KIF24: variants seen among roughly 807,000 people sequenced by gnomAD.
KIF24 encodes the protein kinesin-like protein KIF24.
KIF24 carries 81 observed loss-of-function variants against 118.9 expected under a neutral mutation model. The ratio of observed to expected loss-of-function variants is 0.68; its 90% CI spans 0.57 to 0.82. The LOEUF is 0.82. Among genes scored for constraint, KIF24 ranks in the 40% least tolerant of loss-of-function variants. The pLI is 0.00. For missense variants in KIF24, 1,560 were observed against 1,661.6 expected, an observed-to-expected ratio of 0.94 and a Z score of 1.06; for synonymous variants, 599 against 610.0, an observed-to-expected ratio of 0.98 and a Z score of 0.27.
At chr9:34,319,575 T>C (rs1335453447) in intron 1 of KIF24, 3 of 1,058,016 alleles carry the variant, frequency 2.8e-6, no homozygotes, top group Non-Finnish European at 4.4e-6. Context: ...CTTCCTGGTG[T>C]GGGACACCCA....
upstream of KIF24, among the ~76,000 whole-genome samples, chr9:34,333,001 C>A (rs1652807185): frequency 6.6e-6 from 1 of 152,064 alleles, no homozygotes; most frequent in Admixed American, 6.5e-5. Flanking sequence ...CATAGAATTG[C>A]AGTCACATAG....
chr9:34,266,945 A>C (rs564398897), intron 8 of KIF24, among the ~76,000 whole-genome samples: 2 of 152,166 alleles, frequency 1.3e-5, no homozygotes, highest in African/African-American at 4.8e-5. Flanking sequence ...ATAATAATAG[A>C]AAAAAAGGTA....
At chr9:34,283,130 G>T (rs1479804041) in intron 6 of KIF24, among the ~76,000 whole-genome samples, 1 of 151,072 alleles carries the variant, frequency 6.6e-6, no homozygotes, top group Non-Finnish European at 1.5e-5. Context: ...ACTTCGGGAG[G>T]TCAAGGTGAG....
intron 6 of KIF24, among the ~76,000 whole-genome samples, chr9:34,272,905 T>G (rs1164627470): frequency 1.3e-5 from 2 of 152,080 alleles, no homozygotes; most frequent in African/African-American, 4.8e-5. Flanking sequence ...ATTATGGGCA[T>G]GAGCCACCTC....
rs1186108918 is a variant in KIF24, at chr9:34,329,207, G to A, written c.-127C>T. Among the ~76,000 whole-genome samples the A allele has an allele frequency of 3.3e-5, 5 of 152,226 alleles. No individual in the cohort carries two copies. The highest frequency in any genetic ancestry group is 6.5e-5 in the Admixed American group (1 of 15,290). ...GCAACCTAACAGTCCCGTCAACCCGGGAGCCACCGGCGGCGGCCAGGCCGC... is the reference window on the plus strand; with the variant it reads ...GCAACCTAACAGTCCCGTCAACCCGAGAGCCACCGGCGGCGGCCAGGCCGC... On this transcript the variant is annotated 5_prime_UTR_variant, in exon 1 of 13. Coordinates refer to ENST00000402558, the MANE Select transcript of KIF24 (RefSeq NM_194313.4).
chr9:34,269,841 G>C (rs577471844), intron 7 of KIF24, among the ~76,000 whole-genome samples: 2 of 152,318 alleles, frequency 1.3e-5, no homozygotes, highest in African/African-American at 2.4e-5. Flanking sequence ...TATAAACCCA[G>C]CTACTTGGGA....
chr9:34,292,240 A>T (rs898802239), intron 4 of KIF24, among the ~76,000 whole-genome samples: 1 of 152,250 alleles, frequency 6.6e-6, no homozygotes, highest in Admixed American at 6.5e-5. Context: ...TTGAGTATTC[A>T]GTGAAAGACT....
At chr9:34,262,101 C>T in intron 9 of KIF24, among the ~76,000 whole-genome samples, 1 of 152,042 alleles carries the variant, frequency 6.6e-6, no homozygotes, top group Admixed American at 6.6e-5. Flanking sequence ...GCCACCACAC[C>T]CAGTTAATTT....
In KIF24 at chr9:34,256,487, C is replaced by A. The variant is rs142101336; in HGVS notation, c.3120G>T (p.Thr1040=). 2.6e-4 allele frequency: 427 copies of A among 1,613,688 alleles called. No homozygotes were observed. The highest frequency in any genetic ancestry group is 2.4e-4 in the Non-Finnish European group (289 of 1,179,798). The part of the protein sequence containing the change: ...PGEDPRGQLG[T]HAEYASGLMS... Reference sequence around the variant, plus strand: ...TGAGTCCAGAAGCATATTCAGCATGCGTGCCTAACTGCCCCCTAGGATCCT... The same window carrying A: ...TGAGTCCAGAAGCATATTCAGCATGAGTGCCTAACTGCCCCCTAGGATCCT... The change falls in exon 11 of 13, where the codon ACG becomes ACT. Residue 1040 remains threonine (T), a synonymous_variant. Coordinates refer to ENST00000402558, the MANE Select transcript of KIF24 (RefSeq NM_194313.4).
intron 4 of KIF24, among the ~76,000 whole-genome samples, chr9:34,292,780 C>A (rs1836304480): frequency 6.6e-6 from 1 of 152,216 alleles, no homozygotes; most frequent in Non-Finnish European, 1.5e-5. Context: ...CCGGCAGAGG[C>A]GGAGTTGGGA....
chr9:34,311,195 C>T lies in KIF24; in HGVS notation c.152G>A (p.Arg51His), dbSNP rs768319524. 5.2e-5 allele frequency: 84 copies of T among 1,612,920 alleles called. No homozygotes were observed. Among genetic ancestry groups the T allele is most frequent in the East Asian group, 6.7e-5 (3 of 44,892 alleles). The change falls in exon 2 of 13, where the codon CGC becomes CAC. Residue 51 changes from arginine to histidine, a missense_variant. This residue lies in a region of KIF24 where 964 missense variants were observed against 988.0 expected (regional missense o/e 0.98). Coordinates refer to ENST00000402558, the MANE Select transcript of KIF24 (RefSeq NM_194313.4). ...SKLGVHDMND[R>H]KRLFQLIKII... ...TTTGATAAGTTGGAAGAGACGTTTG[C>T]GGTCGTTCATGTCATGGACTCCTAA... is the stretch of plus-strand genomic sequence containing the variant.
Position 34,256,043 on chromosome 9 carries a change from T to C in KIF24, c.3564A>G (p.Pro1188=). The part of the protein sequence containing the change: ...ETGLDGSWGF[P]GKPFTTIHMG... Reference sequence around the variant, plus strand: ...TATGTATGGTGGTGAAGGGCTTTCCTGGGAAACCCCAGGAGCCATCCAGCC... The same window carrying C: ...TATGTATGGTGGTGAAGGGCTTTCCCGGGAAACCCCAGGAGCCATCCAGCC... The change falls in exon 11 of 13, where the codon CCA becomes CCG. Residue 1188 remains proline (P), a synonymous_variant. Transcript: ENST00000402558. 1 of 1,613,964 alleles carries C rather than the reference T, an allele frequency of 6.2e-7. No homozygotes were observed. Among genetic ancestry groups the C allele is most frequent in the Non-Finnish European group, 8.5e-7 (1 of 1,179,874 alleles).
chr9:34,321,048 C>G (rs1461306241), intron 1 of KIF24, among the ~76,000 whole-genome samples: 1 of 152,132 alleles, frequency 6.6e-6, no homozygotes, highest in African/African-American at 2.4e-5. Flanking sequence ...TCACTAGATT[C>G]AGAAGGTAAC....
chr9:34,272,440 T>G (rs1835540624), intron 6 of KIF24, among the ~76,000 whole-genome samples: 1 of 152,210 alleles, frequency 6.6e-6, no homozygotes, highest in Non-Finnish European at 1.5e-5. Context: ...CCCTTGAGAC[T>G]AATCCTCACT....
chr9:34,323,659 T>G (rs1837589205), intron 1 of KIF24, among the ~76,000 whole-genome samples: 1 of 152,158 alleles, frequency 6.6e-6, no homozygotes, highest in Non-Finnish European at 1.5e-5. Context: ...TTACAATCAG[T>G]TTTCATAAAT....
intron 1 of KIF24, among the ~76,000 whole-genome samples, chr9:34,320,658 C>CA (rs68048466): frequency 0.35 from 18,848 of 54,362 alleles, 2,896 homozygotes; most frequent in East Asian, 0.44. Context: ...AACTCCTTCT[C>CA]AAAAAAAAAA....
Position 34,311,211 on chromosome 9 carries a change from G to A in KIF24, c.136C>T (p.His46Tyr), listed in dbSNP as rs1837130931. The A allele has an allele frequency of 2.5e-6, 4 of 1,611,384 alleles. No homozygotes were observed. Among genetic ancestry groups the A allele is most frequent in the Non-Finnish European group, 2.5e-6 (3 of 1,177,906 alleles). The change falls in exon 2 of 13, where the codon CAT becomes TAT. Residue 46 changes from histidine to tyrosine, a missense_variant. By Grantham distance (83) the His-to-Tyr change is moderately conservative. This residue lies in a region of KIF24 where 964 missense variants were observed against 988.0 expected (regional missense o/e 0.98). Coordinates refer to ENST00000402558, the MANE Select transcript of KIF24 (RefSeq NM_194313.4). Reference protein sequence around the residue: ...TMKDYSKLGVHDMNDRKRLFQ... With the variant: ...TMKDYSKLGVYDMNDRKRLFQ... Reference sequence around the variant, plus strand: ...AGACGTTTGCGGTCGTTCATGTCATGGACTCCTAATTTGGAGTAGTCCTTC... The same window carrying A: ...AGACGTTTGCGGTCGTTCATGTCATAGACTCCTAATTTGGAGTAGTCCTTC...
intron 1 of KIF24, among the ~76,000 whole-genome samples, chr9:34,316,942 C>G (rs376907580): frequency 6.6e-6 from 1 of 151,926 alleles, no homozygotes; most frequent in Admixed American, 6.6e-5. Flanking sequence ...CGGCTGAGCA[C>G]GGTGGCTCAC....
intron 7 of KIF24, among the ~76,000 whole-genome samples, chr9:34,269,747 T>C (rs1015677526): frequency 1.2e-4 from 18 of 151,876 alleles, no homozygotes; most frequent in African/African-American, 4.1e-4. Context: ...TCAGCCAGCA[T>C]TCTGTGACCA....
Sources: gnomAD v4.1 joint callset for allele counts (sites outside exome capture counted in the v4.1 genomes callset) on GRCh38, gnomAD v4.1.1 for gene constraint, gnomAD v4.1.1 regional missense constraint, MANE v1.5 for transcripts, NCBI Gene and HGNC (gene_info 2026-07-23, HGNC 2026-07-21) for gene names.